ONECUT2: variants seen among roughly 807,000 people sequenced by gnomAD.
ONECUT2 encodes one cut homeobox 2.
ONECUT2 carries 10 observed loss-of-function variants against 27.9 expected under a neutral mutation model. That is an observed-to-expected ratio of 0.36 (90% CI 0.22 to 0.61). The LOEUF (loss-of-function observed/expected upper bound fraction) is 0.61. Among genes scored for constraint, ONECUT2 ranks in the 20% least tolerant of loss-of-function variants. The pLI, the probability that ONECUT2 is intolerant of heterozygous loss-of-function variation, is 0.73. For synonymous variants in ONECUT2, 334 were observed against 315.1 expected, an observed-to-expected ratio of 1.06 and a Z score of -0.64; for missense variants, 686 against 721.0, an observed-to-expected ratio of 0.95 and a Z score of 0.56.
chr18:57,465,101 C>A (rs893229973), intron 1 of ONECUT2, among the ~76,000 whole-genome samples: 5 of 152,038 alleles, frequency 3.3e-5, no homozygotes, highest in African/African-American at 1.2e-4. Flanking sequence ...AATGCCACTA[C>A]TGTATTTCTC....
At chr18:57,443,276 C>T (rs1013301260) in intron 1 of ONECUT2, among the ~76,000 whole-genome samples, 4 of 152,060 alleles carry the variant, frequency 2.6e-5, no homozygotes, top group African/African-American at 4.8e-5. Flanking sequence ...TATAAAGGGC[C>T]CTGGGGAGGA....
Position 57,436,777 on chromosome 18 carries a change from C to T in ONECUT2, c.1061C>T (p.Ala354Val), listed in dbSNP as rs1243664800. The T allele has an allele frequency of 1.2e-6, 2 of 1,614,054 alleles. No homozygotes were observed. Among genetic ancestry groups the T allele is most frequent in the Non-Finnish European group, 1.7e-6 (2 of 1,180,038 alleles). ...AELKRYSIPQ[A>V]IFAQRVLCRS... The stretch of plus-strand genomic sequence containing the variant: ...CTGAAGCGCTACAGTATCCCCCAGG[C>T]GATCTTTGCGCAGAGGGTGCTGTGC... Residue 354 changes from alanine (A) to valine (V), a missense_variant, in exon 1 of 2, where the codon GCG (alanine) becomes GTG (valine). By Grantham distance (64) the Ala-to-Val change is moderately conservative (BLOSUM62 0). This residue lies in a region of ONECUT2 where 47 missense variants were observed against 86.0 expected (regional missense o/e 0.55). Coordinates refer to ENST00000491143, the MANE Select transcript of ONECUT2 (RefSeq NM_004852.3). The surrounding 1 kb of genome is among the most constrained non-coding windows in gnomAD (Gnocchi z 5.9).
At position 57,479,756 on chromosome 18, in the gene ONECUT2, T is replaced by C. The variant is rs2050406167; in HGVS notation, c.*3033T>C. On this transcript the variant is annotated 3_prime_UTR_variant, in exon 2 of 2. Coordinates refer to ENST00000491143, the MANE Select transcript of ONECUT2 (RefSeq NM_004852.3). ...CATCTTCTGTAACTGTTGGGAAGGCTCGGTGGTCCATTTTCACCAGTTAAA... is the reference window on the plus strand; with the variant it reads ...CATCTTCTGTAACTGTTGGGAAGGCCCGGTGGTCCATTTTCACCAGTTAAA... 6.6e-6 allele frequency: 1 copy of C among 152,476 alleles called. No individual in the cohort carries two copies. Among genetic ancestry groups the C allele is most frequent in the African/African-American group, 2.4e-5 (1 of 41,416 alleles). 9.4% of individuals were successfully genotyped at this position (152,476 alleles called of 1,614,324 possible).
At position 57,477,792 on chromosome 18, in the gene ONECUT2, A is replaced by G. The variant is rs1157110273; in HGVS notation, c.*1069A>G. ...TACTGTGTGTTATGACCACCACGTA[A>G]TCCATTCTCGCTCTTTCTGATTTGG... is the stretch of plus-strand genomic sequence containing the variant. On this transcript the variant is annotated 3_prime_UTR_variant, in exon 2 of 2. Coordinates refer to ENST00000491143, the MANE Select transcript of ONECUT2 (RefSeq NM_004852.3). 1 of 152,480 alleles carries G rather than the reference A, an allele frequency of 6.6e-6. No homozygotes were observed. The highest frequency in any genetic ancestry group is 1.5e-5 in the Non-Finnish European group (1 of 68,040). The allele number at this position is 152,480 out of a possible 1,614,324, so 9.4% of individuals were successfully genotyped here. A position where few individuals can be genotyped will look rare whatever the true frequency, so the allele number is the denominator to read the frequency against.
At position 57,476,690 on chromosome 18, in the gene ONECUT2, C is replaced by T. The variant is rs2050384380; in HGVS notation, c.1482C>T (p.Ser494=). 1 of 1,614,044 alleles carries T rather than the reference C, an allele frequency of 6.2e-7. No homozygotes were observed. Among genetic ancestry groups the T allele is most frequent in the Non-Finnish European group, 8.5e-7 (1 of 1,180,046 alleles). ...AAGACGATCTGAGCACAGGGGGCTC[C>T]TCGTCCACCTCCAGCACGTGTACCA... ...KWQDDLSTGG[S]SSTSSTCTKA Residue 494 remains serine, a synonymous_variant, in exon 2 of 2, where the codon TCC becomes TCT. Transcript: ENST00000491143.
At chr18:57,459,292 C>A (rs2050277211) in intron 1 of ONECUT2, among the ~76,000 whole-genome samples, 1 of 152,242 alleles carries the variant, frequency 6.6e-6, no homozygotes, top group South Asian at 2.1e-4. Flanking sequence ...ATACTTATAT[C>A]AGATAAAATA....
chr18:57,474,362 CTT>C (rs2050370174), intron 1 of ONECUT2, among the ~76,000 whole-genome samples: 1 of 152,216 alleles, frequency 6.6e-6, no homozygotes, highest in African/African-American at 2.4e-5. Context: ...TAAATCCTGT[CTT>C]AGTCTGTTAA....
rs1339216465 is a variant in ONECUT2, at chr18:57,478,199, C to T, written c.*1476C>T. The T allele has an allele frequency of 6.6e-6, 1 of 152,604 alleles. No individual in the cohort carries two copies. Among genetic ancestry groups the T allele is most frequent in the Non-Finnish European group, 1.5e-5 (1 of 68,048 alleles). 9.5% of individuals were successfully genotyped at this position (152,604 alleles called of 1,614,324 possible). A position where few individuals can be genotyped will look rare whatever the true frequency, so the allele number is the denominator to read the frequency against. On this transcript the variant is annotated 3_prime_UTR_variant, in exon 2 of 2. Transcript: ENST00000491143. ...GCCACCCAGAGGGGTGGCTTTGCCACACCAGTTGTCACCTTCCCATAGCAA... is the reference window on the plus strand; with the variant it reads ...GCCACCCAGAGGGGTGGCTTTGCCATACCAGTTGTCACCTTCCCATAGCAA...
Position 57,435,787 on chromosome 18 carries a change from T to C in ONECUT2, c.71T>C (p.Leu24Pro). 7.9e-7 allele frequency: 1 copy of C among 1,257,870 alleles called. No homozygotes were observed. The highest frequency in any genetic ancestry group is 1.4e-5 in the South Asian group (1 of 73,624). The allele number at this position is 1,257,870 out of a possible 1,614,324, so 77.9% of individuals were successfully genotyped here. A position where few individuals can be genotyped will look rare whatever the true frequency, so the allele number is the denominator to read the frequency against. ...DLEGCAMNPELTMESLGTLHG... is the reference protein window; with the variant it reads ...DLEGCAMNPEPTMESLGTLHG... ...GAAGGCTGCGCCATGAACCCGGAGCTGACAATGGAAAGTCTGGGCACTTTG... is the reference window on the plus strand; with the variant it reads ...GAAGGCTGCGCCATGAACCCGGAGCCGACAATGGAAAGTCTGGGCACTTTG... Residue 24 changes from leucine to proline, a missense_variant, in exon 1 of 2, where the codon CTG (leucine) becomes CCG (proline). Leu to Pro is a moderately conservative substitution (Grantham distance 98). This residue lies in a region of ONECUT2 where 511 missense variants were observed against 488.1 expected (regional missense o/e 1.05). Transcript: ENST00000491143.
In ONECUT2 at chr18:57,450,204, T is replaced by G. The variant is rs187063124; in HGVS notation, c.1228+13260T>G. ...ATTTTATTTTTTTGATCTGGAGCCG[T>G]ACTTTGTCACCCAGGCTGGAGTGCA... On this transcript the variant is annotated intron_variant, in intron 1 of 1. Transcript: ENST00000491143. Among the ~76,000 whole-genome samples, 21 of 152,288 alleles carry G rather than the reference T, an allele frequency of 1.4e-4. No homozygotes were observed. The East Asian group carries it at 3.9e-3, about 28-fold the overall frequency.
At chr18:57,446,488 G>A (rs73441020) in intron 1 of ONECUT2, among the ~76,000 whole-genome samples, 3,475 of 152,206 alleles carry the variant, frequency 0.023, 147 homozygotes, top group African/African-American at 0.078. Flanking sequence ...AAGTGGAGTC[G>A]GGGAGCACAG....
At chr18:57,461,634 C>G (rs1250842770) in intron 1 of ONECUT2, among the ~76,000 whole-genome samples, 2 of 152,196 alleles carry the variant, frequency 1.3e-5, no homozygotes, top group Non-Finnish European at 2.9e-5. Flanking sequence ...GGAGCTTAAT[C>G]CTGCTGAGTA....
chr18:57,464,456 GT>G (rs796485301), intron 1 of ONECUT2, among the ~76,000 whole-genome samples: 1 of 150,288 alleles, frequency 6.7e-6, no homozygotes. Flanking sequence ...TTTGTTTTTT[GT>G]TTTTTTGTTT....
chr18:57,482,980 C>G lies in ONECUT2; in HGVS notation c.*6257C>G, dbSNP rs1279200055. The G allele has an allele frequency of 1.3e-5, 2 of 152,524 alleles. No homozygotes were observed. The highest frequency in any genetic ancestry group is 2.9e-5 in the Non-Finnish European group (2 of 68,006). The allele number at this position is 152,524 out of a possible 1,614,324, so 9.4% of individuals were successfully genotyped here. A position where few individuals can be genotyped will look rare whatever the true frequency, so the allele number is the denominator to read the frequency against. The stretch of plus-strand genomic sequence containing the variant: ...TTCATTTGGGCATATCCAAGATAAA[C>G]TCAACTTTCAAGAAATCTTGTATAT... On this transcript the variant is annotated 3_prime_UTR_variant, in exon 2 of 2. Coordinates refer to ENST00000491143, the MANE Select transcript of ONECUT2 (RefSeq NM_004852.3).
chr18:57,449,174 T>C (rs1026919569), intron 1 of ONECUT2, among the ~76,000 whole-genome samples: 8 of 152,234 alleles, frequency 5.3e-5, no homozygotes, highest in African/African-American at 1.9e-4. Context: ...TCTGTCCTCC[T>C]AAATTGGGAT....
chr18:57,490,527 T>G lies in ONECUT2; in HGVS notation c.*13804T>G, dbSNP rs1167135140. ...CCAGATCTGTTTAAAGTTTCAAAATTTAAAAAGGGACCCATTAAATTATGG... is the reference window on the plus strand; with the variant it reads ...CCAGATCTGTTTAAAGTTTCAAAATGTAAAAAGGGACCCATTAAATTATGG... On this transcript the variant is annotated 3_prime_UTR_variant, in exon 2 of 2. Transcript: ENST00000491143. The G allele has an allele frequency of 6.6e-6, 1 of 152,064 alleles. No individual in the cohort carries two copies. Among genetic ancestry groups the G allele is most frequent in the Admixed American group, 6.5e-5 (1 of 15,268 alleles). The allele number at this position is 152,064 out of a possible 1,614,324, so 9.4% of individuals were successfully genotyped here. A position where few individuals can be genotyped will look rare whatever the true frequency, so the allele number is the denominator to read the frequency against.
chr18:57,482,866 G>T lies in ONECUT2; in HGVS notation c.*6143G>T, dbSNP rs973255300. On this transcript the variant is annotated 3_prime_UTR_variant, in exon 2 of 2. Coordinates refer to ENST00000491143, the MANE Select transcript of ONECUT2 (RefSeq NM_004852.3). ...ATGTGGTACTTCTACAGTGTACATT[G>T]TTTTCATTATTTATTGTAACATTGA... 2 of 152,430 alleles carry T rather than the reference G, an allele frequency of 1.3e-5. No homozygotes were observed. The highest frequency in any genetic ancestry group is 4.8e-5 in the African/African-American group (2 of 41,424). 9.4% of individuals were successfully genotyped at this position (152,430 alleles called of 1,614,324 possible). A position where few individuals can be genotyped will look rare whatever the true frequency, so the allele number is the denominator to read the frequency against.
At chr18:57,470,808 C>T (rs924835222) in intron 1 of ONECUT2, among the ~76,000 whole-genome samples, 6 of 151,912 alleles carry the variant, frequency 3.9e-5, no homozygotes, top group Non-Finnish European at 8.8e-5. Context: ...CACACACAAC[C>T]GAGGTCAGTC....
intron 1 of ONECUT2, among the ~76,000 whole-genome samples, chr18:57,471,173 C>T (rs2050351323): frequency 4.6e-5 from 7 of 152,224 alleles, no homozygotes; most frequent in Admixed American, 4.6e-4. Flanking sequence ...TCATCCCTGG[C>T]TTGATGAGCG....
Sources: allele counts gnomAD v4.1 joint callset (sites outside exome capture counted in the v4.1 genomes callset), GRCh38; gene constraint gnomAD v4.1.1; regional missense constraint gnomAD v4.1.1; non-coding constraint Gnocchi (gnomAD v3.1); transcripts MANE v1.5; gene names NCBI Gene and HGNC (gene_info 2026-07-23, HGNC 2026-07-21).